Variants in FAM220A observed in about 807,000 individuals in gnomAD.
The protein encoded by FAM220A is protein FAM220A.
For missense variants in FAM220A, 392 were observed against 321.6 expected, an observed-to-expected ratio of 1.22 and a Z score of -1.68; for synonymous variants, 141 against 130.7, an observed-to-expected ratio of 1.08 and a Z score of -0.54.
intron 1 of FAM220A, among the ~76,000 whole-genome samples, chr7:6,347,645 A>C (rs981172194): frequency 6.6e-6 from 1 of 152,044 alleles, no homozygotes; most frequent in Admixed American, 6.6e-5. Flanking sequence ...CACGTCTTCC[A>C]CTTTATTTTC....
chr7:6,347,286 G>A (rs1407263701), intron 1 of FAM220A, among the ~76,000 whole-genome samples: 16 of 152,274 alleles, frequency 1.1e-4, no homozygotes, highest in Admixed American at 7.9e-4. Context: ...AGGTCGAGGC[G>A]GGCAGATCAC....
Position 6,331,159 on chromosome 7 carries a change from C to T in FAM220A, c.-5G>A, listed in dbSNP as rs749305056. The T allele has an allele frequency of 3.1e-5, 50 of 1,607,544 alleles. No individual in the cohort carries two copies. Among genetic ancestry groups the T allele is most frequent in the Non-Finnish European group, 3.9e-5 (46 of 1,176,626 alleles). ...GGGCCCTCTTCTGTCCCTCATGCTTCGTGTTCTTGGATGCGGTGGGCCTGA... is the reference window on the plus strand; with the variant it reads ...GGGCCCTCTTCTGTCCCTCATGCTTTGTGTTCTTGGATGCGGTGGGCCTGA... On this transcript the variant is annotated 5_prime_UTR_variant, in exon 2 of 2. Transcript: ENST00000313324.
intron 1 of FAM220A, among the ~76,000 whole-genome samples, chr7:6,335,191 T>C (rs947864679): frequency 2.6e-5 from 4 of 151,754 alleles, no homozygotes; most frequent in African/African-American, 9.7e-5. Flanking sequence ...GCCTCCCAAG[T>C]TGCTGGGATT....
intron 1 of FAM220A, among the ~76,000 whole-genome samples, chr7:6,335,632 G>A (rs1473888424): frequency 6.6e-6 from 1 of 152,094 alleles, no homozygotes; most frequent in Non-Finnish European, 1.5e-5. Flanking sequence ...ATCATATTCT[G>A]AGTGAGCAAA....
rs928315762 is a variant in FAM220A at position 6,343,300 on chromosome 7, C to T, written c.-82+5273G>A. Among the ~76,000 whole-genome samples, 5 of 150,466 alleles carry T rather than the reference C, an allele frequency of 3.3e-5. No homozygotes were observed. The East Asian group carries it at 5.8e-4, about 18-fold the overall frequency. ...GCTGAGGCAGGAGAATCGCTTGAAC[C>T]TGGGAAGCGGAGGTTGCAGTGATCC... is the stretch of plus-strand genomic sequence containing the variant. On this transcript the variant is annotated intron_variant, in intron 1 of 1. Coordinates refer to ENST00000313324, the MANE Select transcript of FAM220A (RefSeq NM_001037163.2).
chr7:6,343,445 T>TATATATATATATATA (rs1781902388), intron 1 of FAM220A, among the ~76,000 whole-genome samples: 3 of 109,778 alleles, frequency 2.7e-5, no homozygotes, highest in Admixed American at 1.1e-4. Flanking sequence ...TATATATATA[T>TATATATATATATATA]GATCTAGGAC....
intron 1 of FAM220A, among the ~76,000 whole-genome samples, chr7:6,333,840 C>CT (rs904989717): frequency 0.031 from 2,998 of 96,808 alleles, 99 homozygotes; most frequent in Non-Finnish European, 0.034. Context: ...CTCCTGGCCT[C>CT]TTTTTTTTTT....
intron 1 of FAM220A, among the ~76,000 whole-genome samples, chr7:6,343,736 C>T (rs889176256): frequency 2.0e-5 from 3 of 152,026 alleles, no homozygotes; most frequent in Admixed American, 6.6e-5. Context: ...AATCATCTTT[C>T]ATCCTAAAGA....
chr7:6,343,490 A>G (rs1781903381), intron 1 of FAM220A, among the ~76,000 whole-genome samples: 1 of 146,106 alleles, frequency 6.8e-6, no homozygotes, highest in Non-Finnish European at 1.5e-5. Flanking sequence ...AGGCCATATA[A>G]CTGAAAAGTT....
rs751140958 is a variant in FAM220A, at chr7:6,333,878, C to CT, written c.-81-2644dup. ...TTTTTTTTTGAGACAGAGTCTTGCT[C>CT]TTTTTTTGCCCAGGCTGGAGTGCAG... On this transcript the variant is annotated intron_variant, in intron 1 of 1. Transcript: ENST00000313324. Among the ~76,000 whole-genome samples, 17 of 105,464 alleles carry CT rather than the reference C, an allele frequency of 1.6e-4. No homozygotes were observed. The South Asian group carries it at 2.9e-3, about 18-fold the overall frequency. 69.2% of individuals were successfully genotyped at this position (105,464 alleles called of 152,430 possible).
rs1406406187 is a variant in FAM220A, at chr7:6,348,764, G to A, written c.-273C>T. 2.0e-5 allele frequency: 8 copies of A among 399,062 alleles called. No individual in the cohort carries two copies. Among genetic ancestry groups the A allele is most frequent in the African/African-American group, 1.6e-4 (8 of 48,602 alleles). 24.7% of individuals were successfully genotyped at this position (399,062 alleles called of 1,614,324 possible). On this transcript the variant is annotated 5_prime_UTR_variant, in exon 1 of 2. Coordinates refer to ENST00000313324, the MANE Select transcript of FAM220A (RefSeq NM_001037163.2). ...CCCGACAGAGCCGCCGCCATATAGA[G>A]ACCGGCGCTCCCACAGCCCCCCCGC... is the stretch of plus-strand genomic sequence containing the variant.
intron 1 of FAM220A, among the ~76,000 whole-genome samples, chr7:6,342,182 CCTTTCTTTTTT>C (rs1188369297): frequency 1.3e-5 from 2 of 152,070 alleles, no homozygotes; most frequent in Non-Finnish European, 2.9e-5. Context: ...CATTTTCTTT[CCTTTCTTTTTT>C]CTTTCTTTTT....
At position 6,331,198 on chromosome 7, in the gene FAM220A, T is replaced by C; in HGVS notation, c.-44A>G. 9.5e-6 allele frequency: 15 copies of C among 1,572,696 alleles called. No homozygotes were observed. Among genetic ancestry groups the C allele is most frequent in the Non-Finnish European group, 1.3e-5 (15 of 1,159,788 alleles). The stretch of plus-strand genomic sequence containing the variant: ...CGGTGGGCCTGAGGTCACGCCTTCG[T>C]CAGTCTGGGAGGGCCTTCAATGGAT... On this transcript the variant is annotated 5_prime_UTR_variant, in exon 2 of 2. Coordinates refer to ENST00000313324, the MANE Select transcript of FAM220A (RefSeq NM_001037163.2).
In FAM220A at chr7:6,330,320, A is replaced by C; in HGVS notation, c.*55T>G. On this transcript the variant is annotated 3_prime_UTR_variant, in exon 2 of 2. Transcript: ENST00000313324. ...TTGCATCCAGACTTAATGCGAAAGA[A>C]ATCATTCTAAGACAACTCTTAAAAT... is the stretch of plus-strand genomic sequence containing the variant. 1 of 1,515,240 alleles carries C rather than the reference A, an allele frequency of 6.6e-7. No individual in the cohort carries two copies. Among genetic ancestry groups the C allele is most frequent in the South Asian group, 1.3e-5 (1 of 78,182 alleles). The allele number at this position is 1,515,240 out of a possible 1,614,324, so 93.9% of individuals were successfully genotyped here.
intron 1 of FAM220A, among the ~76,000 whole-genome samples, chr7:6,333,871 T>G (rs1169706089): frequency 4.6e-4 from 52 of 112,592 alleles, no homozygotes; most frequent in Non-Finnish European, 8.5e-4. Flanking sequence ...TGAGACAGAG[T>G]CTTGCTCTTT....
At chr7:6,339,735 T>C (rs1781812265) in intron 1 of FAM220A, among the ~76,000 whole-genome samples, 2 of 152,084 alleles carry the variant, frequency 1.3e-5, no homozygotes, top group African/African-American at 4.8e-5. Context: ...CCTCCCAAAG[T>C]GCTGGGATTA....
rs188359019 is a variant in FAM220A at position 6,344,908 on chromosome 7, A to C, written c.-82+3665T>G. Reference sequence around the variant, plus strand: ...AGGCGCATGCCGCCATGCCCGGCTAATTTTTGTATTTTAGTAGAGATGGGG... The same window carrying C: ...AGGCGCATGCCGCCATGCCCGGCTACTTTTTGTATTTTAGTAGAGATGGGG... On this transcript the variant is annotated intron_variant, in intron 1 of 1. Transcript: ENST00000313324. Among the ~76,000 whole-genome samples the C allele has an allele frequency of 2.0e-3, 296 of 151,300 alleles. 1 individual carries two copies. Among genetic ancestry groups the C allele is most frequent in the African/African-American group, 6.7e-3 (276 of 41,158 alleles).
chr7:6,343,267 C>T (rs140203452), intron 1 of FAM220A, among the ~76,000 whole-genome samples: 2,821 of 150,750 alleles, frequency 0.019, 40 homozygotes, highest in East Asian at 0.052. Context: ...ATCCCAGCTA[C>T]TCAGGAGGCT....
rs575596496 is a variant in FAM220A, at chr7:6,331,196, C to A, written c.-42G>T. The A allele has an allele frequency of 1.1e-5, 17 of 1,574,340 alleles. No individual in the cohort carries two copies. The highest frequency in any genetic ancestry group is 1.5e-5 in the Non-Finnish European group (17 of 1,160,828). On this transcript the variant is annotated 5_prime_UTR_variant, in exon 2 of 2. Transcript: ENST00000313324. Reference sequence around the variant, plus strand: ...TGCGGTGGGCCTGAGGTCACGCCTTCGTCAGTCTGGGAGGGCCTTCAATGG... The same window carrying A: ...TGCGGTGGGCCTGAGGTCACGCCTTAGTCAGTCTGGGAGGGCCTTCAATGG...
Sources: allele counts gnomAD v4.1 joint callset (sites outside exome capture counted in the v4.1 genomes callset), GRCh38; gene constraint gnomAD v4.1.1; transcripts MANE v1.5; gene names NCBI Gene and HGNC (gene_info 2026-07-23, HGNC 2026-07-21).